ATP13A3: variants seen among roughly 807,000 people sequenced by gnomAD.
The protein encoded by ATP13A3 is polyamine-transporting ATPase 13A3.
ATP13A3 carries 59 observed loss-of-function variants against 158.1 expected under a neutral mutation model. The ratio of observed to expected loss-of-function variants is 0.37; its 90% CI spans 0.30 to 0.46. The LOEUF is 0.46. Among genes scored for constraint, ATP13A3 ranks in the 20% least tolerant of loss-of-function variants. The pLI is 1.00. For synonymous variants in ATP13A3, 491 were observed against 504.3 expected (o/e 0.97, Z 0.35); for missense variants, 1,166 against 1,525.2 (o/e 0.76, Z 3.92).
chr3:194,494,213 C>G lies in ATP13A3; in HGVS notation n.583G>C. 1 of 398,652 alleles carries G rather than the reference C, an allele frequency of 2.5e-6. No homozygotes were observed. 24.7% of individuals were successfully genotyped at this position (398,652 alleles called of 1,614,324 possible). ...CCCAGACTTCCACCTCCTCATGAGC[C>G]AGGACCTTCCTCAGCCACATCTGGA... is the stretch of plus-strand genomic sequence containing the variant. On this transcript the variant is annotated non_coding_transcript_exon_variant, in exon 2 of 33. Transcript: ENST00000687055. This position sits in a 1 kb window ranked among gnomAD's most constrained non-coding sequence, Gnocchi z 4.2.
chr3:194,457,804 T>C (rs1719338418), intron 6 of ATP13A3, among the ~76,000 whole-genome samples: 1 of 150,258 alleles, frequency 6.7e-6, no homozygotes, highest in African/African-American at 2.5e-5. Flanking sequence ...TTTTTTTTTT[T>C]GAGATGGAGT....
rs140183567 is a variant in ATP13A3, at chr3:194,465,054, T to C, written c.-46-2818A>G. 2.7e-3 allele frequency among the ~76,000 whole-genome samples: 416 copies of C among 152,294 alleles called. 2 individuals are homozygous for C. The highest frequency in any genetic ancestry group is 0.01 in the Middle Eastern group (3 of 294). ...CCAAGTTGAGACAAAAGGGATCATA[T>C]TTGCCCTTCTGCCCTAAAGCAACAA... On this transcript the variant is annotated intron_variant, in intron 2 of 33. Transcript: ENST00000645319.
In ATP13A3 at chr3:194,448,457, C is replaced by G; in HGVS notation, c.1150G>C (p.Gly384Arg). Residue 384 changes from glycine (G) to arginine (R), a missense_variant and splice_region_variant, in exon 12 of 34, where the codon GGA becomes CGA. Transcript: ENST00000645319. This position sits in a 1 kb window ranked among gnomAD's most constrained non-coding sequence, Gnocchi z 4.0. ...AGAGATTAATTAAGATGTTTCCTAC[C>G]TGTTCTAACAACTATGGCTTTGACG... ...ELVKAIVVRTGFSTSKGQLVR... is the reference protein window; with the variant it reads ...ELVKAIVVRTRFSTSKGQLVR... 6.2e-7 allele frequency: 1 copy of G among 1,612,590 alleles called. No homozygotes were observed. The highest frequency in any genetic ancestry group is 8.5e-7 in the Non-Finnish European group (1 of 1,178,722).
chr3:194,464,191 C>G (rs559941359), intron 2 of ATP13A3, among the ~76,000 whole-genome samples: 1 of 152,150 alleles, frequency 6.6e-6, no homozygotes, highest in Non-Finnish European at 1.5e-5. Flanking sequence ...TGTACAGTTA[C>G]TTACGTCGTT....
At chr3:194,446,224 ACACGATGGGTGCCAG>A (rs1214149999) in intron 14 of ATP13A3, among the ~76,000 whole-genome samples, 2 of 152,148 alleles carry the variant, frequency 1.3e-5, no homozygotes, top group African/African-American at 4.8e-5. Flanking sequence ...TTTTTTTATA[ACACGATGGGTGCCAG>A]TGGTGGGGAG....
At chr3:194,476,100 T>C (rs1349688896) in intron 2 of ATP13A3, among the ~76,000 whole-genome samples, 1 of 152,196 alleles carries the variant, frequency 6.6e-6, no homozygotes, top group Non-Finnish European at 1.5e-5. Flanking sequence ...ATTCCTAAGA[T>C]AGCCCACAAA....
At chr3:194,483,359 G>T (rs560735230) in intron 2 of ATP13A3, among the ~76,000 whole-genome samples, 3 of 149,406 alleles carry the variant, frequency 2.0e-5, no homozygotes, top group Non-Finnish European at 4.4e-5. Context: ...GGAGGCCAAG[G>T]CAGGCAGACT....
At chr3:194,430,836 TA>T (rs1717165998) in intron 24 of ATP13A3, 106 bp downstream of exon 24, 2 of 788,374 alleles carry the variant, frequency 2.5e-6, no homozygotes, top group African/African-American at 1.8e-5. Context: ...ATTATATATA[TA>T]AATATGAAAT....
At chr3:194,477,606 A>G (rs371053884) in intron 2 of ATP13A3, among the ~76,000 whole-genome samples, 2 of 152,244 alleles carry the variant, frequency 1.3e-5, no homozygotes, top group South Asian at 2.1e-4. Context: ...CCTTCTGTTC[A>G]GAAGTTAACA....
At chr3:194,449,486 C>T (rs967519834) in intron 11 of ATP13A3, among the ~76,000 whole-genome samples, 3 of 152,122 alleles carry the variant, frequency 2.0e-5, no homozygotes, top group Non-Finnish European at 4.4e-5. Context: ...TCACGACCAG[C>T]CTGGCCAACG....
At chr3:194,436,766 T>G (rs771628834) in intron 20 of ATP13A3, among the ~76,000 whole-genome samples, 5 of 152,200 alleles carry the variant, frequency 3.3e-5, no homozygotes, top group Non-Finnish European at 7.4e-5. Flanking sequence ...AAGAATTGCT[T>G]GAACCGGGGA....
chr3:194,433,489 C>T (rs1045078770), intron 21 of ATP13A3, among the ~76,000 whole-genome samples: 1 of 151,934 alleles, frequency 6.6e-6, no homozygotes, highest in Non-Finnish European at 1.5e-5. Flanking sequence ...ATGATCCACC[C>T]GCCTCGGCCT....
intron 13 of ATP13A3, among the ~76,000 whole-genome samples, chr3:194,447,552 G>A (rs1166769532): frequency 6.6e-6 from 1 of 150,682 alleles, no homozygotes; most frequent in South Asian, 2.1e-4. Context: ...AAAGCTTTTG[G>A]TGATTATGTG....
At chr3:194,478,334 A>G (rs961656717) in intron 2 of ATP13A3, among the ~76,000 whole-genome samples, 2 of 151,960 alleles carry the variant, frequency 1.3e-5, no homozygotes, top group Admixed American at 6.6e-5. Context: ...ATGGTGACCA[A>G]TGGCACCAGG....
At chr3:194,432,330 A>G (rs190047064) in intron 21 of ATP13A3, among the ~76,000 whole-genome samples, 33 of 152,332 alleles carry the variant, frequency 2.2e-4, no homozygotes, top group Admixed American at 1.3e-4. Flanking sequence ...ATACAAAACA[A>G]AAAGGTAAGA....
chr3:194,475,835 T>C (rs1404519513), intron 2 of ATP13A3, among the ~76,000 whole-genome samples: 1 of 152,132 alleles, frequency 6.6e-6, no homozygotes, highest in Non-Finnish European at 1.5e-5. Context: ...TTGATGGGCA[T>C]TATCTACTCT....
chr3:194,407,671 C>T (rs144099752), intron 33 of ATP13A3, among the ~76,000 whole-genome samples: 24 of 152,156 alleles, frequency 1.6e-4, no homozygotes, highest in Non-Finnish European at 3.2e-4. Flanking sequence ...AAAAGGTGGA[C>T]AAAAGTAAGC....
chr3:194,426,813 C>A (rs989195314), intron 29 of ATP13A3, among the ~76,000 whole-genome samples: 4 of 152,070 alleles, frequency 2.6e-5, no homozygotes, highest in African/African-American at 9.7e-5. Context: ...AGAAAGGCAC[C>A]ACCATGCCCG....
chr3:194,429,913 A>G (rs968018657), intron 26 of ATP13A3, 139 bp from the exon 27 acceptor site: 2 of 972,122 alleles, frequency 2.1e-6, no homozygotes, highest in African/African-American at 3.3e-5. Context: ...GAACTAAACC[A>G]AATGAGGAGT....
Sources: gnomAD v4.1 joint callset for allele counts (sites outside exome capture counted in the v4.1 genomes callset) on GRCh38, gnomAD v4.1.1 for gene constraint, Gnocchi (gnomAD v3.1) non-coding constraint, MANE v1.5 for transcripts, NCBI Gene and HGNC (gene_info 2026-07-23, HGNC 2026-07-21) for gene names.